Variants in SYNPR observed in about 807,000 individuals in gnomAD.
SYNPR encodes synaptoporin.
In SYNPR, 23 loss-of-function variants were observed where a neutral mutation model predicts 32.9. The observed-to-expected ratio is 0.70, with a 90% confidence interval of 0.50 to 0.99. The LOEUF (loss-of-function observed/expected upper bound fraction) is 0.99. Among genes scored for constraint, SYNPR ranks in the 50% least tolerant of loss-of-function variants. SYNPR has a pLI of 0.00. For synonymous variants in SYNPR, 146 were observed against 135.9 expected, an observed-to-expected ratio of 1.07 and a Z score of -0.52; for missense variants, 318 against 349.3, an observed-to-expected ratio of 0.91 and a Z score of 0.71.
At chr3:63,350,436 A>G (rs908763196) in intron 2 of SYNPR, among the ~76,000 whole-genome samples, 2 of 152,158 alleles carry the variant, frequency 1.3e-5, no homozygotes, top group Non-Finnish European at 2.9e-5. Flanking sequence ...TTTTTTTGCA[A>G]GTGGGACTTC....
chr3:63,485,474 A>AAT (rs1701129845), intron 3 of SYNPR, among the ~76,000 whole-genome samples: 1 of 152,198 alleles, frequency 6.6e-6, no homozygotes, highest in Admixed American at 6.5e-5. Context: ...AAAGCCATCG[A>AAT]ATATAGTTAA....
chr3:63,615,510 C>A lies in SYNPR; in HGVS notation c.*29C>A, dbSNP rs561491908. On this transcript the variant is annotated 3_prime_UTR_variant, in exon 6 of 6. Transcript: ENST00000478300. ...AGTAGCATTTGCATTCTTCTGCAGTCGCCTCACCATCTTCCATTTCAGTGG... is the reference window on the plus strand; with the variant it reads ...AGTAGCATTTGCATTCTTCTGCAGTAGCCTCACCATCTTCCATTTCAGTGG... The A allele has an allele frequency of 1.3e-6, 2 of 1,594,910 alleles. No individual in the cohort carries two copies. Among genetic ancestry groups the A allele is most frequent in the African/African-American group, 1.3e-5 (1 of 74,216 alleles).
intron 2 of SYNPR, among the ~76,000 whole-genome samples, chr3:63,408,568 C>T (rs1426448430): frequency 6.6e-6 from 1 of 152,066 alleles, no homozygotes; most frequent in African/African-American, 2.4e-5. Context: ...GCCTGAGAAA[C>T]TTGTGGCCTG....
chr3:63,318,717 C>T (rs1222165259), intron 2 of SYNPR, among the ~76,000 whole-genome samples: 1 of 152,012 alleles, frequency 6.6e-6, no homozygotes, highest in Non-Finnish European at 1.5e-5. Flanking sequence ...TAGTCCTTCC[C>T]TGATTAGCTG....
At chr3:63,439,621 C>G (rs1700134877) in intron 2 of SYNPR, among the ~76,000 whole-genome samples, 1 of 152,288 alleles carries the variant, frequency 6.6e-6, no homozygotes, top group African/African-American at 2.4e-5. Flanking sequence ...AAAAAAGCAA[C>G]TGATCAATAT....
At chr3:63,460,095 CAG>C (rs1165093163) in intron 2 of SYNPR, among the ~76,000 whole-genome samples, 3 of 152,072 alleles carry the variant, frequency 2.0e-5, no homozygotes, top group African/African-American at 4.8e-5. Flanking sequence ...ACATAGCAAC[CAG>C]AGAGGTCATT....
At chr3:63,565,290 AC>A (rs944291836) in intron 4 of SYNPR, among the ~76,000 whole-genome samples, 1 of 152,110 alleles carries the variant, frequency 6.6e-6, no homozygotes, top group African/African-American at 2.4e-5. Flanking sequence ...ACAATAAAAT[AC>A]CTGAGACTGG....
intron 2 of SYNPR, among the ~76,000 whole-genome samples, chr3:63,304,171 A>G (rs2086884623): frequency 6.6e-6 from 1 of 152,004 alleles, no homozygotes; most frequent in Non-Finnish European, 1.5e-5. Flanking sequence ...GGTTAATTTT[A>G]TATTGCGTTG....
intron 2 of SYNPR, among the ~76,000 whole-genome samples, chr3:63,391,294 C>G (rs2088133979): frequency 6.6e-6 from 1 of 152,214 alleles, no homozygotes; most frequent in Admixed American, 6.5e-5. Context: ...ACCAATGTGT[C>G]TCTGTGACTC....
chr3:63,360,607 AC>A (rs911954121), intron 2 of SYNPR, among the ~76,000 whole-genome samples: 3 of 152,028 alleles, frequency 2.0e-5, no homozygotes, highest in African/African-American at 7.3e-5. Flanking sequence ...GTAGCATTCC[AC>A]CCCTTGCTTG....
intron 4 of SYNPR, among the ~76,000 whole-genome samples, chr3:63,601,723 C>A (rs1337347679): frequency 6.6e-6 from 1 of 151,994 alleles, no homozygotes; most frequent in Non-Finnish European, 1.5e-5. Flanking sequence ...TGTATATGTA[C>A]CACATTTTCT....
chr3:63,403,796 G>T (rs1237635109), intron 2 of SYNPR, among the ~76,000 whole-genome samples: 1 of 152,052 alleles, frequency 6.6e-6, no homozygotes, highest in East Asian at 1.9e-4. Flanking sequence ...CAAGGAAGAG[G>T]GTAGCAAATG....
chr3:63,480,808 T>A, intron 2 of SYNPR, 24 bp from the exon 3 acceptor site: 1 of 1,611,244 alleles, frequency 6.2e-7, no homozygotes, highest in South Asian at 1.1e-5. Flanking sequence ...AACTGCCTTC[T>A]ATTTGTTTAA....
chr3:63,501,320 A>C (rs1701473868), intron 3 of SYNPR, among the ~76,000 whole-genome samples: 1 of 152,032 alleles, frequency 6.6e-6, no homozygotes, highest in Non-Finnish European at 1.5e-5. Flanking sequence ...CTTTACAAAA[A>C]ATACAAGAAT....
At chr3:63,321,064 T>A (rs7647850) in intron 2 of SYNPR, among the ~76,000 whole-genome samples, 66,293 of 151,938 alleles carry the variant, frequency 0.44, 14,652 homozygotes, top group Middle Eastern at 0.52. Flanking sequence ...GACATGGATG[T>A]CATTCTTAAC....
At chr3:63,486,290 G>C (rs1325093071) in intron 3 of SYNPR, among the ~76,000 whole-genome samples, 1 of 152,130 alleles carries the variant, frequency 6.6e-6, no homozygotes, top group Non-Finnish European at 1.5e-5. Flanking sequence ...AAGAAATGCT[G>C]GGGAGTAATG....
At chr3:63,337,391 A>T (rs1192403817) in intron 2 of SYNPR, among the ~76,000 whole-genome samples, 9 of 152,216 alleles carry the variant, frequency 5.9e-5, no homozygotes, top group Non-Finnish European at 7.3e-5. Flanking sequence ...GTGGAGTAAC[A>T]GGGACTCTTC....
At chr3:63,366,634 TAGGAGATGG>T (rs1346523046) in intron 2 of SYNPR, among the ~76,000 whole-genome samples, 1 of 152,170 alleles carries the variant, frequency 6.6e-6, no homozygotes, top group Non-Finnish European at 1.5e-5. Flanking sequence ...GCTTAGAAAG[TAGGAGATGG>T]CTACACTTGT....
chr3:63,271,859 G>A (rs1220882779), intron 3 of SYNPR, among the ~76,000 whole-genome samples: 1 of 151,982 alleles, frequency 6.6e-6, no homozygotes, highest in East Asian at 1.9e-4. Context: ...GTATGTGTAT[G>A]TGTATCCGTA....
Sources: allele counts gnomAD v4.1 joint callset (sites outside exome capture counted in the v4.1 genomes callset), GRCh38; gene constraint gnomAD v4.1.1; transcripts MANE v1.5; gene names NCBI Gene and HGNC (gene_info 2026-07-23, HGNC 2026-07-21).